Variants in CADPS2 observed in about 807,000 individuals in gnomAD.
CADPS2 encodes the protein calcium dependent secretion activator 2, also known as calcium-dependent secretion activator 2.
In CADPS2, 93 loss-of-function variants were observed where a neutral mutation model predicts 172.5. That is an observed-to-expected ratio of 0.54 (90% CI 0.46 to 0.64). CADPS2 has a LOEUF of 0.64. Among genes scored for constraint, CADPS2 ranks in the 30% least tolerant of loss-of-function variants. The pLI is 0.00. For synonymous variants in CADPS2, 546 were observed against 555.2 expected (o/e 0.98, Z 0.23); for missense variants, 1,420 against 1,565.9 (o/e 0.91, Z 1.57).
intron 20 of CADPS2, among the ~76,000 whole-genome samples, 197 bp from the exon 21 acceptor site, chr7:122,393,779 T>C (rs549289188): frequency 3.3e-4 from 50 of 152,304 alleles, no homozygotes; most frequent in African/African-American, 1.2e-3. Context: ...GCCTTCTATA[T>C]ATGGCTGTCA....
At chr7:122,645,582 G>T (rs1395715471) in intron 3 of CADPS2, among the ~76,000 whole-genome samples, 3 of 103,914 alleles carry the variant, frequency 2.9e-5, no homozygotes, top group Admixed American at 1.1e-4. Context: ...TATTCTCTAG[G>T]CTATAGAGAT....
At chr7:122,854,334 G>A (rs962569701) in intron 1 of CADPS2, among the ~76,000 whole-genome samples, 6 of 152,136 alleles carry the variant, frequency 3.9e-5, no homozygotes, top group African/African-American at 1.2e-4. Context: ...TCATGCCGCT[G>A]CGCTCCAGCC....
intron 14 of CADPS2, among the ~76,000 whole-genome samples, chr7:122,465,401 C>A (rs1456975744): frequency 6.6e-6 from 1 of 152,144 alleles, no homozygotes. Context: ...GTCCCCAATA[C>A]CCGGGCTGTG....
intron 29 of CADPS2, among the ~76,000 whole-genome samples, chr7:122,320,894 G>C (rs149737015): frequency 3.0e-4 from 46 of 152,228 alleles, no homozygotes; most frequent in African/African-American, 9.9e-4. Flanking sequence ...TAAATGTCTG[G>C]ATGAATTTTG....
At chr7:122,849,164 T>C (rs1812824444) in intron 1 of CADPS2, among the ~76,000 whole-genome samples, 1 of 152,244 alleles carries the variant, frequency 6.6e-6, no homozygotes, top group African/African-American at 2.4e-5. Context: ...TAATTAAGCA[T>C]GTTGGTTGCC....
chr7:122,548,268 G>A (rs1208779486), intron 8 of CADPS2, among the ~76,000 whole-genome samples: 1 of 152,050 alleles, frequency 6.6e-6, no homozygotes, highest in African/African-American at 2.4e-5. Context: ...AGCTACTCAC[G>A]AGGCTGAGAT....
chr7:122,610,345 C>T (rs1049417862), intron 6 of CADPS2, among the ~76,000 whole-genome samples: 3 of 151,356 alleles, frequency 2.0e-5, no homozygotes, highest in Non-Finnish European at 2.9e-5. Context: ...GTTAAAATAA[C>T]GTAACTTCAG....
rs906803418 is a variant in CADPS2, at chr7:122,489,385, T to C, written c.1852+696A>G. On this transcript the variant is annotated intron_variant, in intron 11 of 29. Coordinates refer to ENST00000449022, the MANE Select transcript of CADPS2 (RefSeq NM_017954.11). ...AGTTGAGCTGAAAGTTAAAGACAAATATTTATTACAGGTAAAACAGGATAA... is the reference window on the plus strand; with the variant it reads ...AGTTGAGCTGAAAGTTAAAGACAAACATTTATTACAGGTAAAACAGGATAA... Among the ~76,000 whole-genome samples the C allele has an allele frequency of 4.6e-5, 7 of 152,188 alleles. No individual in the cohort carries two copies. In the East Asian group the frequency reaches 1.4e-3, roughly 29 times the overall value.
intron 8 of CADPS2, among the ~76,000 whole-genome samples, chr7:122,546,627 C>A (rs184606967): frequency 6.6e-6 from 1 of 152,272 alleles, no homozygotes; most frequent in African/African-American, 2.4e-5. Flanking sequence ...ACTTTTGCTG[C>A]TATTGCCCTT....
At chr7:122,649,977 TCGGCTCA>T (rs1315690979) in intron 3 of CADPS2, among the ~76,000 whole-genome samples, 20 of 136,510 alleles carry the variant, frequency 1.5e-4, no homozygotes, top group Non-Finnish European at 2.9e-4. Context: ...TGGTGTGATC[TCGGCTCA>T]CTGCAACCTC....
In CADPS2 at chr7:122,539,406, T is replaced by C. The variant is rs565063703; in HGVS notation, c.1475+15144A>G. Among the ~76,000 whole-genome samples, 3 of 152,264 alleles carry C rather than the reference T, an allele frequency of 2.0e-5. No homozygotes were observed. The East Asian group carries it at 5.8e-4, about 29-fold the overall frequency. On this transcript the variant is annotated intron_variant, in intron 8 of 29. Transcript: ENST00000449022. ...CTGAGCTAAATAAATTTCTGTTCATTATAAACGACCCAGTCTGTGGTATTC... is the reference window on the plus strand; with the variant it reads ...CTGAGCTAAATAAATTTCTGTTCATCATAAACGACCCAGTCTGTGGTATTC...
intron 28 of CADPS2, among the ~76,000 whole-genome samples, chr7:122,329,041 T>C (rs555665097): frequency 5.3e-5 from 8 of 152,072 alleles, no homozygotes; most frequent in Non-Finnish European, 1.0e-4. Flanking sequence ...GCAGCACTTG[T>C]GCATTTTTAA....
At chr7:122,419,274 TAATACATC>T (rs1563290514) in intron 17 of CADPS2, among the ~76,000 whole-genome samples, 1 of 152,196 alleles carries the variant, frequency 6.6e-6, no homozygotes, top group East Asian at 1.9e-4. Flanking sequence ...CATCTGTATC[TAATACATC>T]AAGGGTGGAT....
intron 2 of CADPS2, among the ~76,000 whole-genome samples, chr7:122,706,691 T>G (rs1041906800): frequency 1.4e-5 from 2 of 147,358 alleles, no homozygotes; most frequent in Admixed American, 1.4e-4. Flanking sequence ...ATATATTCTT[T>G]TATATATACA....
chr7:122,333,889 T>TTA lies in CADPS2; in HGVS notation c.3613-8310_3613-8309dup, dbSNP rs138677404. On this transcript the variant is annotated intron_variant, in intron 28 of 29. Transcript: ENST00000449022. Reference sequence around the variant, plus strand: ...CATTTAAATATTTATAAATATAAATTTATATATATATATATCATATCTATA... The same window carrying TTA: ...CATTTAAATATTTATAAATATAAATTTATATATATATATATATCATATCTATA... Among the ~76,000 whole-genome samples the TTA allele has an allele frequency of 4.7e-3, 702 of 149,118 alleles. 4 individuals are homozygous for TTA. The highest frequency in any genetic ancestry group is 8.6e-3 in the Admixed American group (128 of 14,906).
chr7:122,714,455 C>A (rs963943456), intron 2 of CADPS2, among the ~76,000 whole-genome samples: 5 of 151,940 alleles, frequency 3.3e-5, no homozygotes, highest in African/African-American at 4.8e-5. Context: ...TAAACAACTT[C>A]TTTTAATGTT....
intron 2 of CADPS2, among the ~76,000 whole-genome samples, chr7:122,699,557 C>A (rs2085698356): frequency 6.6e-6 from 1 of 152,156 alleles, no homozygotes; most frequent in Non-Finnish European, 1.5e-5. Context: ...ATTTTTGATT[C>A]ATCACATAAA....
At chr7:122,839,151 G>C (rs760166268) in intron 1 of CADPS2, among the ~76,000 whole-genome samples, 2 of 152,042 alleles carry the variant, frequency 1.3e-5, no homozygotes, top group African/African-American at 2.4e-5. Flanking sequence ...TGATCTTTGA[G>C]AAACCTGACA....
At chr7:122,561,488 G>A (rs181241152) in intron 7 of CADPS2, among the ~76,000 whole-genome samples, 4 of 152,146 alleles carry the variant, frequency 2.6e-5, no homozygotes, top group Admixed American at 2.6e-4. Flanking sequence ...GAGGATTAAG[G>A]ATAAAGCAAG....
Sources: allele counts gnomAD v4.1 joint callset (sites outside exome capture counted in the v4.1 genomes callset), GRCh38; gene constraint gnomAD v4.1.1; transcripts MANE v1.5; gene names NCBI Gene and HGNC (gene_info 2026-07-23, HGNC 2026-07-21).